The following RALGAPA2 variants were observed in gnomAD, a reference collection of about 807,000 sequenced individuals.
RALGAPA2 encodes ral GTPase-activating protein subunit alpha-2.
A neutral mutation model predicts 230.4 loss-of-function variants in RALGAPA2; 139 were observed. The observed-to-expected ratio is 0.60, with a 90% confidence interval of 0.53 to 0.69. RALGAPA2 has a LOEUF of 0.69. Among genes scored for constraint, RALGAPA2 ranks in the 30% least tolerant of loss-of-function variants. RALGAPA2 has a pLI of 0.00. For synonymous variants in RALGAPA2, 847 were observed against 837.8 expected (o/e 1.01, Z -0.19); for missense variants, 2,163 against 2,276.0 (o/e 0.95, Z 1.01).
intron 37 of RALGAPA2, among the ~76,000 whole-genome samples, chr20:20,462,337 G>A (rs1318984759): frequency 6.6e-6 from 1 of 152,184 alleles, no homozygotes; most frequent in Non-Finnish European, 1.5e-5. Flanking sequence ...AGTTGAATGT[G>A]TTAAAGCCAT....
At chr20:20,533,904 A>G (rs1167408832) in intron 26 of RALGAPA2, among the ~76,000 whole-genome samples, 2 of 152,200 alleles carry the variant, frequency 1.3e-5, no homozygotes, top group Non-Finnish European at 2.9e-5. Flanking sequence ...GGAGAAATTA[A>G]TATACTAAAT....
intron 13 of RALGAPA2, 55 bp downstream of exon 13, chr20:20,615,988 G>A: frequency 8.0e-7 from 1 of 1,247,200 alleles, no homozygotes; most frequent in Non-Finnish European, 1.1e-6. Flanking sequence ...TTTTAATTAT[G>A]TTGAAAAACA....
chr20:20,582,951 T>C, intron 20 of RALGAPA2, 99 bp downstream of exon 20: 1 of 1,310,780 alleles, frequency 7.6e-7, no homozygotes, highest in Non-Finnish European at 1.1e-6. Flanking sequence ...CACTTCCTCC[T>C]ACAACTGTTT....
chr20:20,626,115 C>T (rs1474481882), intron 10 of RALGAPA2, among the ~76,000 whole-genome samples: 2 of 152,210 alleles, frequency 1.3e-5, no homozygotes, highest in African/African-American at 4.8e-5. Context: ...AGAATGTGCA[C>T]TTCTTGAACA....
rs1238722673 is a variant in RALGAPA2 at position 20,527,563 on chromosome 20, A to C, written c.3583-1201T>G. On this transcript the variant is annotated intron_variant, in intron 27 of 39. Coordinates refer to ENST00000202677, the MANE Select transcript of RALGAPA2 (RefSeq NM_020343.4). ...TATACCTTTCAAATTGTGGCACAAA[A>C]TGTCATCTCCTCCCTGAGGCCACCA... is the stretch of plus-strand genomic sequence containing the variant. 4.0e-5 allele frequency among the ~76,000 whole-genome samples: 6 copies of C among 151,738 alleles called. No homozygotes were observed. The East Asian group carries it at 1.2e-3, about 29-fold the overall frequency.
At position 20,495,121 on chromosome 20, in the gene RALGAPA2, G is replaced by C. The variant is rs1354014665; in HGVS notation, c.5363C>G (p.Pro1788Arg). Residue 1788 changes from proline to arginine, a missense_variant, in exon 36 of 40, where the codon CCT (proline) becomes CGT (arginine). Transcript: ENST00000202677. ...AACAATGCAATGAAAACGTACCTCAGGTTTCTTCGTTATCGCGATGAAGAA... is the reference window on the plus strand; with the variant it reads ...AACAATGCAATGAAAACGTACCTCACGTTTCTTCGTTATCGCGATGAAGAA... ...HMFFIAITKK[P>R]EVPFFGPLFD... is the part of the protein sequence containing the mutation. 1.2e-6 allele frequency: 2 copies of C among 1,601,898 alleles called. No individual in the cohort carries two copies. Among genetic ancestry groups the C allele is most frequent in the East Asian group, 4.5e-5 (2 of 44,654 alleles).
At chr20:20,646,790 C>T (rs1029127242) in intron 4 of RALGAPA2, among the ~76,000 whole-genome samples, 1 of 151,862 alleles carries the variant, frequency 6.6e-6, no homozygotes, top group Non-Finnish European at 1.5e-5. Flanking sequence ...GCAAAGAATC[C>T]ATAATGAACA....
intron 16 of RALGAPA2, 67 bp downstream of exon 16, chr20:20,601,615 C>T: frequency 1.3e-6 from 2 of 1,516,070 alleles, no homozygotes; most frequent in Non-Finnish European, 1.8e-6. Context: ...TTTTAACACA[C>T]TTTATGCCTA....
chr20:20,394,706 C>A (rs2059671026), intron 39 of RALGAPA2, among the ~76,000 whole-genome samples: 1 of 151,942 alleles, frequency 6.6e-6, no homozygotes, highest in Non-Finnish European at 1.5e-5. Flanking sequence ...CACAGCTAGA[C>A]CATCATCCAC....
At chr20:20,584,489 C>G (rs1036947906) in intron 19 of RALGAPA2, among the ~76,000 whole-genome samples, 2 of 152,088 alleles carry the variant, frequency 1.3e-5, no homozygotes, top group Non-Finnish European at 2.9e-5. Context: ...ATAAGAAGGT[C>G]CCATTTCACA....
intron 37 of RALGAPA2, among the ~76,000 whole-genome samples, chr20:20,463,517 T>C (rs981498383): frequency 1.3e-4 from 20 of 152,106 alleles, no homozygotes; most frequent in Non-Finnish European, 2.4e-4. Flanking sequence ...GACTACTTTG[T>C]GCTTTTTTAA....
chr20:20,598,737 G>T (rs1278420876), intron 16 of RALGAPA2: 1 of 456,466 alleles, frequency 2.2e-6, no homozygotes, highest in Admixed American at 2.3e-5. Flanking sequence ...CGCTCACGGT[G>T]TGAAGGAGGA....
At chr20:20,552,208 C>T (rs987657656) in intron 23 of RALGAPA2, among the ~76,000 whole-genome samples, 2 of 152,288 alleles carry the variant, frequency 1.3e-5, no homozygotes, top group East Asian at 1.9e-4. Flanking sequence ...TTGCTCAGGG[C>T]CCAGCAGATG....
chr20:20,396,558 G>A, intron 39 of RALGAPA2, 137 bp downstream of exon 39: 1 of 740,626 alleles, frequency 1.4e-6, no homozygotes, highest in East Asian at 3.0e-5. Flanking sequence ...TGTGGGCAGG[G>A]CCCCCGGGGA....
intron 37 of RALGAPA2, among the ~76,000 whole-genome samples, chr20:20,467,754 T>C (rs1300134530): frequency 6.6e-6 from 1 of 152,214 alleles, no homozygotes; most frequent in Non-Finnish European, 1.5e-5. Flanking sequence ...TGAATCTTGA[T>C]GTGAGTATTT....
At chr20:20,687,377 A>G (rs973993385) in intron 1 of RALGAPA2, among the ~76,000 whole-genome samples, 3 of 152,226 alleles carry the variant, frequency 2.0e-5, no homozygotes, top group African/African-American at 4.8e-5. Flanking sequence ...GGTAGTTTGC[A>G]GAAATGCCAC....
chr20:20,476,859 T>C (rs1040997352), intron 36 of RALGAPA2, among the ~76,000 whole-genome samples: 4 of 152,156 alleles, frequency 2.6e-5, no homozygotes, highest in Non-Finnish European at 5.9e-5. Flanking sequence ...GTTTGTGTTA[T>C]ATTCACCCAA....
chr20:20,585,361 G>A (rs1056782531), intron 18 of RALGAPA2, among the ~76,000 whole-genome samples: 1 of 152,044 alleles, frequency 6.6e-6, no homozygotes, highest in Non-Finnish European at 1.5e-5. Flanking sequence ...TCCACCCAGA[G>A]ATCTAAAGGT....
rs567124255 is a variant in RALGAPA2 at position 20,394,692 on chromosome 20, G to C, written c.*36-1439C>G. Among the ~76,000 whole-genome samples, 5 of 151,990 alleles carry C rather than the reference G, an allele frequency of 3.3e-5. No homozygotes were observed. In the East Asian group the frequency reaches 7.7e-4, roughly 24 times the overall value. On this transcript the variant is annotated intron_variant, in intron 39 of 39. Transcript: ENST00000202677. Reference sequence around the variant, plus strand: ...CAAAAACAGGCTGCTTCTGACAAAGGCAGCACAGCTAGACCATCATCCACA... The same window carrying C: ...CAAAAACAGGCTGCTTCTGACAAAGCCAGCACAGCTAGACCATCATCCACA...
Sources: gnomAD v4.1 joint callset for allele counts (sites outside exome capture counted in the v4.1 genomes callset) on GRCh38, gnomAD v4.1.1 for gene constraint, MANE v1.5 for transcripts, NCBI Gene and HGNC (gene_info 2026-07-23, HGNC 2026-07-21) for gene names.